The following MPPED1 variants were observed in gnomAD, a reference collection of about 807,000 sequenced individuals.
The protein encoded by MPPED1 is metallophosphoesterase domain containing 1.
Under a neutral mutation model 36.2 loss-of-function variants are expected in MPPED1, and 16 were observed. That is an observed-to-expected ratio of 0.44 (90% CI 0.30 to 0.67). The LOEUF (loss-of-function observed/expected upper bound fraction) is 0.67, where lower values mean the gene tolerates loss of function less well. MPPED1 is among the 30% of genes least tolerant of loss of function. The pLI is 0.10. For synonymous variants in MPPED1, 199 were observed against 191.3 expected, an observed-to-expected ratio of 1.04 and a Z score of -0.33; for missense variants, 307 against 453.4, an observed-to-expected ratio of 0.68 and a Z score of 2.93.
In MPPED1 at chr22:43,412,143, A is replaced by T; in HGVS notation, c.-94A>T. The T allele has an allele frequency of 1.0e-6, 1 of 978,216 alleles. No homozygotes were observed. Among genetic ancestry groups the T allele is most frequent in the Non-Finnish European group, 1.2e-6 (1 of 827,240 alleles). The allele number at this position is 978,216 out of a possible 1,614,324, so 60.6% of individuals were successfully genotyped here. On this transcript the variant is annotated 5_prime_UTR_variant, in exon 1 of 7. Coordinates refer to ENST00000443721, the MANE Select transcript of MPPED1 (RefSeq NM_001044370.2). The stretch of plus-strand genomic sequence containing the variant: ...CTCGCAGCCGCCGCGGCCGCCGAAG[A>T]GGAGCCCGGGGCCAGGTAGGACCGG...
chr22:43,499,286 G>A (rs1449163478), intron 5 of MPPED1, among the ~76,000 whole-genome samples: 1 of 142,632 alleles, frequency 7.0e-6, no homozygotes, highest in East Asian at 2.2e-4. Context: ...TGGGGGTGGT[G>A]ATGGATGTGA....
At chr22:43,426,623 G>A (rs148527610) in intron 2 of MPPED1, among the ~76,000 whole-genome samples, 182 of 152,298 alleles carry the variant, frequency 1.2e-3, no homozygotes, top group South Asian at 2.7e-3. Flanking sequence ...GTGTGTGAGG[G>A]CGCGACCTCC....
intron 4 of MPPED1, among the ~76,000 whole-genome samples, chr22:43,495,613 A>G (rs1231695605): frequency 4.4e-3 from 85 of 19,240 alleles, no homozygotes; most frequent in South Asian, 0.016. Context: ...TGGTGGAGGT[A>G]GTAGTGGTGG....
chr22:43,494,485 C>A (rs184786001), intron 4 of MPPED1, among the ~76,000 whole-genome samples: 1 of 152,304 alleles, frequency 6.6e-6, no homozygotes, highest in Admixed American at 6.5e-5. Context: ...TCCATTGTCA[C>A]CTGGTGTCCT....
In MPPED1 at chr22:43,502,498, G is replaced by A. The variant is rs570702107; in HGVS notation, c.749-146G>A. The stretch of plus-strand genomic sequence containing the variant: ...GAAGCCTGAGGCAGGGCAGGGTTCC[G>A]GAGAGCTTGCTAGGGGAGAGTGGTG... On this transcript the variant is annotated intron_variant, in intron 5 of 6. Transcript: ENST00000443721. This position sits in a 1 kb window ranked among gnomAD's most constrained non-coding sequence, Gnocchi z 5.5. 7.1e-5 allele frequency: 45 copies of A among 633,616 alleles called. 1 individual carries two copies. The highest frequency in any genetic ancestry group is 5.7e-4 in the African/African-American group (31 of 54,804). 39.2% of individuals were successfully genotyped at this position (633,616 alleles called of 1,614,324 possible). A position where few individuals can be genotyped will look rare whatever the true frequency, so the allele number is the denominator to read the frequency against.
chr22:43,505,847 C>A lies in MPPED1; in HGVS notation c.*231C>A. The stretch of plus-strand genomic sequence containing the variant: ...CATTTACTTTTTCTGCGTGTACATC[C>A]TGCGTGTACCTCGTTAAAGGACCTA... On this transcript the variant is annotated 3_prime_UTR_variant, in exon 7 of 7. Coordinates refer to ENST00000443721, the MANE Select transcript of MPPED1 (RefSeq NM_001044370.2). 3.9e-6 allele frequency: 2 copies of A among 509,358 alleles called. No individual in the cohort carries two copies. Among genetic ancestry groups the A allele is most frequent in the Admixed American group, 3.5e-5 (1 of 28,282 alleles). The allele number at this position is 509,358 out of a possible 1,614,324, so 31.6% of individuals were successfully genotyped here.
At chr22:43,491,217 G>A (rs1932071301) in intron 4 of MPPED1, among the ~76,000 whole-genome samples, 1 of 152,196 alleles carries the variant, frequency 6.6e-6, no homozygotes, top group Non-Finnish European at 1.5e-5. Context: ...TCTCAGGAGG[G>A]CTCCATGATA....
chr22:43,471,734 G>A (rs1293980835), intron 3 of MPPED1, among the ~76,000 whole-genome samples: 1 of 152,240 alleles, frequency 6.6e-6, no homozygotes, highest in Non-Finnish European at 1.5e-5. Flanking sequence ...CTGTGGGGCT[G>A]TGGGAGGCTT....
At position 43,449,437 on chromosome 22, in the gene MPPED1, C is replaced by T. The variant is rs5996336; in HGVS notation, c.406+14222C>T. On this transcript the variant is annotated intron_variant, in intron 3 of 6. Coordinates refer to ENST00000443721, the MANE Select transcript of MPPED1 (RefSeq NM_001044370.2). ...GACAGTGCCAACCCCCCCCGCCCCC[C>T]CTCCAAGTAGGCTCTCAGTGTTGTT... 4.7e-4 allele frequency among the ~76,000 whole-genome samples: 69 copies of T among 145,456 alleles called. 4 individuals carry two copies. In the East Asian group the frequency reaches 0.014, roughly 30 times the overall value.
chr22:43,461,110 T>A (rs2146867172), intron 3 of MPPED1, among the ~76,000 whole-genome samples: 1 of 152,306 alleles, frequency 6.6e-6, no homozygotes, highest in East Asian at 1.9e-4. Context: ...ACACCTATAA[T>A]CCTAGCACTT....
chr22:43,412,668 C>CCAT (rs1555896850), intron 1 of MPPED1, among the ~76,000 whole-genome samples: 3 of 149,160 alleles, frequency 2.0e-5, no homozygotes, highest in Admixed American at 6.6e-5. Flanking sequence ...ATCCCTCCCT[C>CCAT]CCATCCATCC....
intron 1 of MPPED1, among the ~76,000 whole-genome samples, chr22:43,413,871 G>C (rs543820132): frequency 6.6e-5 from 10 of 152,340 alleles, no homozygotes; most frequent in African/African-American, 2.4e-4. Context: ...TTCAGTGTGG[G>C]ACTGCCTTCC....
intron 4 of MPPED1, among the ~76,000 whole-genome samples, chr22:43,485,546 G>C (rs999350879): frequency 5.9e-5 from 9 of 151,998 alleles, no homozygotes; most frequent in South Asian, 4.2e-4. Flanking sequence ...CTCACACACA[G>C]AGTCACACAC....
chr22:43,491,470 T>TGGGA (rs1352786243), intron 4 of MPPED1, among the ~76,000 whole-genome samples: 35 of 151,114 alleles, frequency 2.3e-4, no homozygotes, highest in Non-Finnish European at 3.1e-4. Context: ...GTGATGGAGG[T>TGGGA]GGTGGTGGTG....
chr22:43,454,334 T>A (rs1425139089), intron 3 of MPPED1, among the ~76,000 whole-genome samples: 3 of 151,950 alleles, frequency 2.0e-5, no homozygotes, highest in African/African-American at 7.3e-5. Flanking sequence ...AGAGACAGGA[T>A]CTCACTCTGT....
At chr22:43,460,261 A>G (rs566042483) in intron 3 of MPPED1, among the ~76,000 whole-genome samples, 2 of 121,882 alleles carry the variant, frequency 1.6e-5, no homozygotes, top group Admixed American at 1.7e-4. Flanking sequence ...AAACAAACCC[A>G]AACCCCCCCC....
At chr22:43,446,169 C>G (rs1476129424) in intron 3 of MPPED1, among the ~76,000 whole-genome samples, 1 of 152,218 alleles carries the variant, frequency 6.6e-6, no homozygotes, top group Non-Finnish European at 1.5e-5. Flanking sequence ...CTGCACCCAG[C>G]CTGGTGTTTA....
chr22:43,480,920 T>C (rs961068993), intron 4 of MPPED1, among the ~76,000 whole-genome samples: 2 of 150,466 alleles, frequency 1.3e-5, no homozygotes, highest in African/African-American at 4.9e-5. Flanking sequence ...GCCTCCTGGG[T>C]TTAAGTGATT....
chr22:43,496,299 T>A (rs1163913741), intron 4 of MPPED1, among the ~76,000 whole-genome samples: 4 of 44,648 alleles, frequency 9.0e-5, no homozygotes, highest in African/African-American at 2.4e-4. Flanking sequence ...GAGGTGGTGG[T>A]GGAGGTAGTG....
Sources: gnomAD v4.1 joint callset for allele counts (sites outside exome capture counted in the v4.1 genomes callset) on GRCh38, gnomAD v4.1.1 for gene constraint, Gnocchi (gnomAD v3.1) non-coding constraint, MANE v1.5 for transcripts, NCBI Gene and HGNC (gene_info 2026-07-23, HGNC 2026-07-21) for gene names.